Variants in CYB5RL observed in about 807,000 individuals in gnomAD.
The protein encoded by CYB5RL is cytochrome b5 reductase like.
CYB5RL carries 38 observed loss-of-function variants against 37.5 expected under a neutral mutation model. That is an observed-to-expected ratio of 1.01 (90% CI 0.78 to 1.33). CYB5RL has a LOEUF of 1.33. CYB5RL is among the 40% of genes most tolerant of loss of function. CYB5RL has a pLI of 0.00. For missense variants in CYB5RL, 388 were observed against 394.4 expected, an observed-to-expected ratio of 0.98 and a Z score of 0.14; for synonymous variants, 141 against 151.9, an observed-to-expected ratio of 0.93 and a Z score of 0.53.
intron 3 of CYB5RL, among the ~76,000 whole-genome samples, chr1:54,191,104 C>G (rs1177893909): frequency 6.6e-6 from 1 of 152,192 alleles, no homozygotes; most frequent in Non-Finnish European, 1.5e-5. Flanking sequence ...TGCTCTTAAG[C>G]CTTCCATGGC....
intron 3 of CYB5RL, among the ~76,000 whole-genome samples, chr1:54,194,315 A>G (rs1360582178): frequency 6.6e-6 from 1 of 152,004 alleles, no homozygotes; most frequent in Non-Finnish European, 1.5e-5. Flanking sequence ...GGTTGCAGTG[A>G]ACCAAGATAG....
In CYB5RL at chr1:54,170,703, G is replaced by A. The variant is rs748180057; in HGVS notation, c.*3916C>T. The A allele has an allele frequency of 1.8e-4, 34 of 192,798 alleles. No homozygotes were observed. Among genetic ancestry groups the A allele is most frequent in the South Asian group, 1.1e-3 (10 of 9,428 alleles). 11.9% of individuals were successfully genotyped at this position (192,798 alleles called of 1,614,324 possible). ...TGGGATTACAGGTGTGAGCCACCGC[G>A]CCCGGCCCAGTAACAATCTTTATAC... On this transcript the variant is annotated 3_prime_UTR_variant, in exon 8 of 8. Coordinates refer to ENST00000534324, the MANE Select transcript of CYB5RL (RefSeq NM_001031672.4).
Position 54,199,989 on chromosome 1 carries a change from C to T in CYB5RL, c.-236G>A, listed in dbSNP as rs957547655. 5.4e-5 allele frequency: 28 copies of T among 522,660 alleles called. No homozygotes were observed. Among genetic ancestry groups the T allele is most frequent in the Non-Finnish European group, 9.1e-5 (27 of 297,132 alleles). 32.4% of individuals were successfully genotyped at this position (522,660 alleles called of 1,614,324 possible). The stretch of plus-strand genomic sequence containing the variant: ...ACGACCACTCACCTACTCGCCTGCG[C>T]TTCACCTCACGTGAGGATTTTCCAG... On this transcript the variant is annotated 5_prime_UTR_variant, in exon 1 of 8. Transcript: ENST00000534324.
chr1:54,181,433 AATGCACAGACAG>A (rs1660157870), intron 6 of CYB5RL, among the ~76,000 whole-genome samples: 1 of 152,200 alleles, frequency 6.6e-6, no homozygotes, highest in African/African-American at 2.4e-5. Flanking sequence ...TTGTTGAATG[AATGCACAGACAG>A]ATGCTAATAT....
Position 54,190,794 on chromosome 1 carries a change from C to T in CYB5RL, c.301G>A (p.Gly101Arg), listed in dbSNP as rs759206614. The stretch of plus-strand genomic sequence containing the variant: ...GGCCGCAGGCCAAGCTGGCTGTTCC[C>T]GGGTAGAGCAAACCGGACACGGTAG... ...DTYRVRFALP[G>R]NSQLGLRPGQ... is the part of the protein sequence containing the mutation. Residue 101 changes from glycine (G) to arginine (R), a missense_variant, in exon 4 of 8, where the codon GGG becomes AGG. Physicochemically the swap from Gly to Arg is moderately radical, Grantham distance 125. Coordinates refer to ENST00000534324, the MANE Select transcript of CYB5RL (RefSeq NM_001031672.4). 55 of 1,570,088 alleles carry T rather than the reference C, an allele frequency of 3.5e-5. No individual in the cohort carries two copies. The highest frequency in any genetic ancestry group is 3.1e-4 in the African/African-American group (23 of 73,920).
chr1:54,191,970 A>T (rs1436725300), intron 3 of CYB5RL, among the ~76,000 whole-genome samples: 1 of 152,166 alleles, frequency 6.6e-6, no homozygotes, highest in Non-Finnish European at 1.5e-5. Flanking sequence ...TTCCTAGTCT[A>T]TAAAAAGGGC....
rs560308313 is a variant in CYB5RL at position 54,174,941 on chromosome 1, T to C, written c.745-119A>G. 51 of 990,032 alleles carry C rather than the reference T, an allele frequency of 5.2e-5. No homozygotes were observed. In the South Asian group the frequency reaches 6.8e-4, roughly 13 times the overall value. The allele number at this position is 990,032 out of a possible 1,614,324, so 61.3% of individuals were successfully genotyped here. A position where few individuals can be genotyped will look rare whatever the true frequency, so the allele number is the denominator to read the frequency against. ...AGGCAGAGGGTGTAGGAAGCCAACC[T>C]ATATCCAGGCCCACCATGGGCCAGG... On this transcript the variant is annotated intron_variant, in intron 7 of 7. Transcript: ENST00000534324.
At chr1:54,181,627 C>T (rs1221662301) in intron 6 of CYB5RL, among the ~76,000 whole-genome samples, 1 of 152,120 alleles carries the variant, frequency 6.6e-6, no homozygotes, top group Non-Finnish European at 1.5e-5. Flanking sequence ...TTTCTTTTTC[C>T]CTACCATCAG....
At chr1:54,178,399 G>A (rs1238667595) in intron 7 of CYB5RL, among the ~76,000 whole-genome samples, 1 of 152,192 alleles carries the variant, frequency 6.6e-6, no homozygotes, top group Non-Finnish European at 1.5e-5. Context: ...AGGGAAAAGT[G>A]AAGCTACCAA....
intron 6 of CYB5RL, among the ~76,000 whole-genome samples, chr1:54,182,920 G>A (rs1378183222): frequency 6.6e-6 from 1 of 152,154 alleles, no homozygotes; most frequent in East Asian, 1.9e-4. Context: ...TTTTCCATTT[G>A]TTTTCATTTT....
chr1:54,195,674 G>A lies in CYB5RL; in HGVS notation c.-58C>T. The A allele has an allele frequency of 6.5e-7, 1 of 1,530,426 alleles. No homozygotes were observed. The highest frequency in any genetic ancestry group is 1.3e-5 in the South Asian group (1 of 78,754). 94.8% of individuals were successfully genotyped at this position (1,530,426 alleles called of 1,614,324 possible). A position where few individuals can be genotyped will look rare whatever the true frequency, so the allele number is the denominator to read the frequency against. ...TGGGTGCTCTTCCAGAACAGGCCAG[G>A]CTCTATGAGACCACGGGCGCAGGCC... is the stretch of plus-strand genomic sequence containing the variant. On this transcript the variant is annotated 5_prime_UTR_variant, in exon 3 of 8. Coordinates refer to ENST00000534324, the MANE Select transcript of CYB5RL (RefSeq NM_001031672.4).
At chr1:54,175,360 T>C (rs1011172074) in intron 7 of CYB5RL, among the ~76,000 whole-genome samples, 1 of 152,206 alleles carries the variant, frequency 6.6e-6, no homozygotes, top group Non-Finnish European at 1.5e-5. Context: ...CCTGGCTGCA[T>C]ACAGCACAGA....
intron 1 of CYB5RL, among the ~76,000 whole-genome samples, chr1:54,199,119 C>T (rs35883748): frequency 2.0e-5 from 3 of 152,144 alleles, no homozygotes; most frequent in Non-Finnish European, 4.4e-5. Flanking sequence ...GATGACTTTT[C>T]CCACCCCGCA....
chr1:54,170,801 C>T lies in CYB5RL; in HGVS notation c.*3818G>A, dbSNP rs891760167. ...ACATGCTGGAACTTGTGTATCCCTA[C>T]ATGACCTTGGAAAATCGCTTGAAGT... On this transcript the variant is annotated 3_prime_UTR_variant, in exon 8 of 8. Transcript: ENST00000534324. 9.6e-6 allele frequency: 3 copies of T among 312,734 alleles called. No individual in the cohort carries two copies. The highest frequency in any genetic ancestry group is 5.9e-5 in the South Asian group (2 of 33,908). The allele number at this position is 312,734 out of a possible 1,614,324, so 19.4% of individuals were successfully genotyped here.
chr1:54,179,326 C>T lies in CYB5RL; in HGVS notation c.567G>A (p.Ala189=), dbSNP rs757751724. 55 of 1,613,314 alleles carry T rather than the reference C, an allele frequency of 3.4e-5. No homozygotes were observed. In the Middle Eastern group the frequency reaches 5.0e-4, roughly 15 times the overall value. The change falls in exon 7 of 8, where the codon GCG becomes GCA. Residue 189 remains alanine (A), a synonymous_variant. Transcript: ENST00000534324. ...NQYGELLLLA[A]GTGLAPMVPI... The stretch of plus-strand genomic sequence containing the variant: ...GCACCATGGGGGCCAGGCCCGTGCC[C>T]GCAGCCAGCAAGAGGAGCTCACCAT...
At chr1:54,194,682 G>C (rs1457545791) in intron 3 of CYB5RL, among the ~76,000 whole-genome samples, 1 of 152,214 alleles carries the variant, frequency 6.6e-6, no homozygotes, top group East Asian at 1.9e-4. Context: ...ATGCCAGATG[G>C]CATTGAGAGA....
In CYB5RL at chr1:54,190,734, C is replaced by T; in HGVS notation, c.347+14G>A. The T allele has an allele frequency of 6.4e-7, 1 of 1,551,900 alleles. No homozygotes were observed. Among genetic ancestry groups the T allele is most frequent in the Non-Finnish European group, 8.7e-7 (1 of 1,147,122 alleles). On this transcript the variant is annotated intron_variant, in intron 4 of 7. Transcript: ENST00000534324. ...GGGCTGTGAAGCTTTGGTCCTCCCG[C>T]TACCTGAGTGTACCGTAGGATGAGG...
chr1:54,197,166 T>C (rs1005809083), intron 1 of CYB5RL, among the ~76,000 whole-genome samples: 6 of 152,232 alleles, frequency 3.9e-5, no homozygotes, highest in African/African-American at 1.4e-4. Flanking sequence ...AGTCTAGATA[T>C]GAGTCTGGAG....
intron 6 of CYB5RL, among the ~76,000 whole-genome samples, chr1:54,183,249 A>G (rs769229917): frequency 1.3e-5 from 2 of 152,186 alleles, no homozygotes; most frequent in Non-Finnish European, 2.9e-5. Context: ...GCTGTTGGAT[A>G]TTCGGTTGTT....
Sources: gnomAD v4.1 joint callset for allele counts (sites outside exome capture counted in the v4.1 genomes callset) on GRCh38, gnomAD v4.1.1 for gene constraint, MANE v1.5 for transcripts, NCBI Gene and HGNC (gene_info 2026-07-23, HGNC 2026-07-21) for gene names.